Variants in SPTLC3 observed in about 807,000 individuals in gnomAD.
The protein encoded by SPTLC3 is serine palmitoyltransferase 3.
Under a neutral mutation model 59.3 loss-of-function variants are expected in SPTLC3, and 36 were observed. The observed-to-expected ratio is 0.61, with a 90% CI of 0.47 to 0.80. SPTLC3 has a LOEUF of 0.80. SPTLC3 is among the 30% of genes least tolerant of loss of function. SPTLC3 has a pLI of 0.00. For synonymous variants in SPTLC3, 257 were observed against 240.8 expected (o/e 1.07, Z -0.62); for missense variants, 625 against 685.1 (o/e 0.91, Z 0.98).
At chr20:13,056,896 C>T (rs1987755133) in intron 2 of SPTLC3, among the ~76,000 whole-genome samples, 1 of 152,018 alleles carries the variant, frequency 6.6e-6, no homozygotes, top group Non-Finnish European at 1.5e-5. Flanking sequence ...CGTGCAACAC[C>T]ATGCCTGGCT....
At chr20:13,160,513 C>T (rs982916421) in intron 11 of SPTLC3, among the ~76,000 whole-genome samples, 4 of 152,118 alleles carry the variant, frequency 2.6e-5, no homozygotes, top group South Asian at 2.1e-4. Flanking sequence ...TAAAATATGA[C>T]CCAACTAAGC....
intron 8 of SPTLC3, among the ~76,000 whole-genome samples, chr20:13,119,711 A>C (rs1379566210): frequency 6.6e-6 from 1 of 152,170 alleles, no homozygotes; most frequent in Non-Finnish European, 1.5e-5. Context: ...GATGGCAGCA[A>C]GAATTAGAGC....
intron 2 of SPTLC3, among the ~76,000 whole-genome samples, chr20:13,064,397 G>A (rs1002377802): frequency 2.0e-5 from 3 of 151,766 alleles, no homozygotes; most frequent in Admixed American, 2.0e-4. Flanking sequence ...AGGTTGGAAC[G>A]ATTCTCCTGC....
chr20:13,079,045 G>T lies in SPTLC3; in HGVS notation c.607+4548G>T, dbSNP rs114474052. The stretch of plus-strand genomic sequence containing the variant: ...TATAACCAAAAATGGCAAACACCTA[G>T]GGAATAAACTTATTTTGAAGATGTT... On this transcript the variant is annotated intron_variant, in intron 4 of 11. Coordinates refer to ENST00000399002, the MANE Select transcript of SPTLC3 (RefSeq NM_018327.4). Among the ~76,000 whole-genome samples, 881 of 152,096 alleles carry T rather than the reference G, an allele frequency of 5.8e-3. 9 individuals carry two copies. The highest frequency in any genetic ancestry group is 0.02 in the African/African-American group (832 of 41,484).
chr20:13,102,044 A>C (rs894477764), intron 6 of SPTLC3, among the ~76,000 whole-genome samples: 1 of 152,134 alleles, frequency 6.6e-6, no homozygotes, highest in Non-Finnish European at 1.5e-5. Flanking sequence ...AAGAACCAAA[A>C]CTCTGCCTAC....
intron 1 of SPTLC3, among the ~76,000 whole-genome samples, chr20:13,021,869 T>C (rs983127612): frequency 1.3e-5 from 2 of 152,142 alleles, no homozygotes; most frequent in African/African-American, 4.8e-5. Flanking sequence ...TAACACATCA[T>C]GATAGATAGA....
chr20:13,076,601 T>A (rs1988654723), intron 4 of SPTLC3, among the ~76,000 whole-genome samples: 1 of 149,816 alleles, frequency 6.7e-6, no homozygotes, highest in Non-Finnish European at 1.5e-5. Context: ...AAAACTTAGA[T>A]GACAGATATT....
At chr20:13,132,153 TCTC>T (rs2038133772) in intron 9 of SPTLC3, among the ~76,000 whole-genome samples, 1 of 151,096 alleles carries the variant, frequency 6.6e-6, no homozygotes, top group South Asian at 2.1e-4. Context: ...TCCCTCTAAT[TCTC>T]CTCACCTTGC....
intron 1 of SPTLC3, among the ~76,000 whole-genome samples, chr20:13,027,753 A>G (rs1986229308): frequency 6.6e-6 from 1 of 152,168 alleles, no homozygotes; most frequent in Non-Finnish European, 1.5e-5. Flanking sequence ...AAAATTTTAA[A>G]AATCCATGCG....
At chr20:13,131,106 G>A (rs1413197011) in intron 9 of SPTLC3, among the ~76,000 whole-genome samples, 3 of 140,626 alleles carry the variant, frequency 2.1e-5, no homozygotes, top group Non-Finnish European at 4.6e-5. Context: ...TCAGGAAGGT[G>A]AGCCCCAAAC....
At chr20:13,037,654 A>G (rs965179817) in intron 1 of SPTLC3, among the ~76,000 whole-genome samples, 1 of 152,196 alleles carries the variant, frequency 6.6e-6, no homozygotes, top group African/African-American at 2.4e-5. Flanking sequence ...CATCTCCTAC[A>G]ACAGAACATT....
intron 11 of SPTLC3, among the ~76,000 whole-genome samples, chr20:13,163,122 C>CT (rs2038925793): frequency 6.6e-6 from 1 of 152,032 alleles, no homozygotes; most frequent in Non-Finnish European, 1.5e-5. Context: ...AATCCCAGCA[C>CT]TTTGGGAGGT....
chr20:13,100,274 T>C (rs1989557700), intron 6 of SPTLC3, among the ~76,000 whole-genome samples: 1 of 152,156 alleles, frequency 6.6e-6, no homozygotes. Flanking sequence ...AAGCTATTCA[T>C]TATTATTCTC....
At chr20:13,044,816 G>A (rs1401232967) in intron 1 of SPTLC3, among the ~76,000 whole-genome samples, 1 of 152,108 alleles carries the variant, frequency 6.6e-6, no homozygotes, top group Non-Finnish European at 1.5e-5. Context: ...GGCAGCAAAG[G>A]AAAGTCTGAC....
intron 8 of SPTLC3, among the ~76,000 whole-genome samples, chr20:13,123,250 G>A (rs977543166): frequency 6.6e-6 from 1 of 151,794 alleles, no homozygotes; most frequent in Non-Finnish European, 1.5e-5. Context: ...AGAATTGCTG[G>A]AGCCCAGGAG....
chr20:13,119,594 A>G (rs1990786282), intron 8 of SPTLC3, among the ~76,000 whole-genome samples: 1 of 152,204 alleles, frequency 6.6e-6, no homozygotes, highest in South Asian at 2.1e-4. Context: ...ATTTGGATAC[A>G]GAGGGTCGCA....
intron 1 of SPTLC3, among the ~76,000 whole-genome samples, chr20:13,024,491 A>G (rs1198196989): frequency 4.6e-5 from 7 of 152,186 alleles, no homozygotes; most frequent in Admixed American, 4.6e-4. Context: ...CAGCATGCAT[A>G]CCATTAACTT....
rs77524309 is a variant in SPTLC3, at chr20:13,086,643, C to T, written c.608-4440C>T. Among the ~76,000 whole-genome samples the T allele has an allele frequency of 8.9e-4, 136 of 152,320 alleles. No homozygotes were observed. The East Asian group carries it at 0.019, about 22-fold the overall frequency. On this transcript the variant is annotated intron_variant, in intron 4 of 11. Coordinates refer to ENST00000399002, the MANE Select transcript of SPTLC3 (RefSeq NM_018327.4). ...CATCTGGTCATAGAAATTGGTCTTGCATCTAGGAGATACAAATCACTTTGC... is the reference window on the plus strand; with the variant it reads ...CATCTGGTCATAGAAATTGGTCTTGTATCTAGGAGATACAAATCACTTTGC...
intron 5 of SPTLC3, among the ~76,000 whole-genome samples, chr20:13,091,932 A>C (rs1476806476): frequency 6.6e-6 from 1 of 152,226 alleles, no homozygotes; most frequent in Non-Finnish European, 1.5e-5. Context: ...GATACAAGAC[A>C]TACAAAGATG....
Sources: allele counts gnomAD v4.1 joint callset (sites outside exome capture counted in the v4.1 genomes callset), GRCh38; gene constraint gnomAD v4.1.1; transcripts MANE v1.5; gene names NCBI Gene and HGNC (gene_info 2026-07-23, HGNC 2026-07-21).